Variants in MTMR9 observed in about 807,000 individuals in gnomAD.
MTMR9 encodes myotubularin-related protein 9.
Under a neutral mutation model 69.5 loss-of-function variants are expected in MTMR9, and 39 were observed. That is an observed-to-expected ratio of 0.56 (90% CI 0.43 to 0.73). MTMR9 has a LOEUF of 0.73. MTMR9 is among the 30% of genes least tolerant of loss of function. MTMR9 has a pLI of 0.00. For synonymous variants in MTMR9, 354 were observed against 240.8 expected (o/e 1.47, Z -4.35); for missense variants, 900 against 671.2 (o/e 1.34, Z -3.77).
chr8:11,330,067 C>T (rs572486467), downstream of MTMR9, among the ~76,000 whole-genome samples: 4 of 150,634 alleles, frequency 2.7e-5, no homozygotes, highest in South Asian at 2.1e-4. Flanking sequence ...AAGTGAGGAG[C>T]GTCTCCGCCT....
intron 1 of MTMR9, among the ~76,000 whole-genome samples, chr8:11,287,938 T>G (rs1799236099): frequency 1.6e-5 from 2 of 128,954 alleles, no homozygotes; most frequent in East Asian, 4.2e-4. Flanking sequence ...ATAATATGTG[T>G]TATATATCAT....
chr8:11,328,198 G>T (rs1387626621), downstream of MTMR9: 1 of 151,930 alleles, frequency 6.6e-6, no homozygotes, highest in Non-Finnish European at 1.5e-5. Flanking sequence ...GGTTTGGATG[G>T]TGTTTCAATT....
At chr8:11,331,578 G>T (rs138325209), downstream of MTMR9, 2 of 1,611,030 alleles carry the variant, frequency 1.2e-6, no homozygotes, top group Non-Finnish European at 1.7e-6. Context: ...CGGTGGCTAC[G>T]AGTGGTGTGG....
chr8:11,297,653 T>G (rs1585113521), intron 2 of MTMR9, among the ~76,000 whole-genome samples: 2 of 152,082 alleles, frequency 1.3e-5, no homozygotes, highest in Admixed American at 1.3e-4. Flanking sequence ...CTGCCTGTGG[T>G]GAGGCACAGT....
intron 1 of MTMR9, among the ~76,000 whole-genome samples, chr8:11,286,975 C>A (rs2572421): frequency 1.3e-5 from 2 of 152,142 alleles, no homozygotes; most frequent in African/African-American, 4.8e-5. Context: ...CCTTTATGTT[C>A]TGGACGTTTT....
At chr8:11,291,869 A>T (rs2117360009) in intron 1 of MTMR9, among the ~76,000 whole-genome samples, 1 of 152,122 alleles carries the variant, frequency 6.6e-6, no homozygotes, top group South Asian at 2.1e-4. Context: ...GCAGAATGAC[A>T]GTGATTTTTA....
chr8:11,287,182 TG>T, intron 1 of MTMR9, among the ~76,000 whole-genome samples: 1 of 152,350 alleles, frequency 6.6e-6, no homozygotes, highest in African/African-American at 2.4e-5. Context: ...AACTGTGGCT[TG>T]GGCATATAGA....
intron 4 of MTMR9, 48 bp downstream of exon 4, chr8:11,305,062 G>T: frequency 1.3e-6 from 2 of 1,558,764 alleles, no homozygotes; most frequent in East Asian, 2.3e-5. Context: ...CTTGGGTTGG[G>T]GATCTTTTCG....
downstream of MTMR9, chr8:11,332,131 C>T (rs371297341): frequency 6.2e-7 from 1 of 1,611,252 alleles, no homozygotes; most frequent in African/African-American, 1.3e-5. Flanking sequence ...TGAGATAGAA[C>T]TTGGGAGCCC....
intron 1 of MTMR9, among the ~76,000 whole-genome samples, chr8:11,293,755 A>G (rs924177835): frequency 6.6e-6 from 1 of 150,376 alleles, no homozygotes; most frequent in Non-Finnish European, 1.5e-5. Flanking sequence ...TTATAGATTC[A>G]AATTCTTTAA....
chr8:11,320,093 G>T, intron 9 of MTMR9: 1 of 392,964 alleles, frequency 2.5e-6, no homozygotes. Context: ...TATTTTTCTA[G>T]ATAAGAAAGT....
chr8:11,320,357 G>A (rs1800622564), intron 9 of MTMR9: 1 of 152,236 alleles, frequency 6.6e-6, no homozygotes. Flanking sequence ...CTATTCTAAA[G>A]TAGATTTTTT....
Position 11,315,531 on chromosome 8 carries a change from T to C in MTMR9, c.1113+467T>C, listed in dbSNP as rs1800380543. Among the ~76,000 whole-genome samples the C allele has an allele frequency of 2.0e-5, 3 of 152,320 alleles. No homozygotes were observed. The South Asian group carries it at 6.2e-4, about 32-fold the overall frequency. On this transcript the variant is annotated intron_variant, in intron 7 of 9. Transcript: ENST00000221086. ...ATGGCTGCCAAAATAAAAGTCTCAC[T>C]CATAACAGGGATTGATATCCTCCAC... is the stretch of plus-strand genomic sequence containing the variant.
rs1036066473 is a variant in MTMR9, at chr8:11,306,545, CA to C, written c.809+139del. On this transcript the variant is annotated intron_variant, in intron 5 of 9. Transcript: ENST00000221086. ...GTCAATGATGGGCTAGCCATCTTCT[CA>C]TTTTTTTTTGGTCAGCTCTATTAAG... is the stretch of plus-strand genomic sequence containing the variant. 12 of 750,790 alleles carry C rather than the reference CA, an allele frequency of 1.6e-5. No homozygotes were observed. The African/African-American group carries it at 2.1e-4, about 13-fold the overall frequency. 46.5% of individuals were successfully genotyped at this position (750,790 alleles called of 1,614,324 possible). A position where few individuals can be genotyped will look rare whatever the true frequency, so the allele number is the denominator to read the frequency against.
At chr8:11,294,023 A>T (rs1036356680) in intron 1 of MTMR9, among the ~76,000 whole-genome samples, 2 of 152,194 alleles carry the variant, frequency 1.3e-5, no homozygotes, top group African/African-American at 4.8e-5. Context: ...CTATTTGAAG[A>T]CATTTGCATT....
intron 6 of MTMR9, 97 bp from the exon 7 acceptor site, chr8:11,314,826 A>G: frequency 1.7e-6 from 2 of 1,170,424 alleles, no homozygotes; most frequent in South Asian, 1.4e-5. Context: ...AACTCAGTAG[A>G]CTAAAATGTT....
chr8:11,338,215 C>T, the MTMR9 span, among the ~76,000 whole-genome samples: 3 of 152,312 alleles, frequency 2.0e-5, no homozygotes, highest in African/African-American at 7.2e-5. Context: ...ACTTCCTCGG[C>T]AGAGTATTGA....
Position 11,309,635 on chromosome 8 carries a change from T to G in MTMR9, c.918T>G (p.Thr306=). Residue 306 remains threonine (T), a synonymous_variant, in exon 6 of 10, where the codon ACT becomes ACG. Transcript: ENST00000221086. ...AATTGGAGGCCTCTAACTGGCTGAC[T>G]CACATCAAAGAGATTCTGACAACTG... ...LSKLEASNWL[T]HIKEILTTAC... 1.9e-6 allele frequency: 3 copies of G among 1,613,976 alleles called. No individual in the cohort carries two copies. Among genetic ancestry groups the G allele is most frequent in the Non-Finnish European group, 2.5e-6 (3 of 1,179,890 alleles).
rs1282702163 is a variant in MTMR9 at position 11,286,218 on chromosome 8, C to T, written c.182+1148C>T. ...CCTCCCGCCTAGGCCTCCCACAGTTCTGGGATTACAGGCGTGAGCCACTGC... is the reference window on the plus strand; with the variant it reads ...CCTCCCGCCTAGGCCTCCCACAGTTTTGGGATTACAGGCGTGAGCCACTGC... On this transcript the variant is annotated intron_variant, in intron 1 of 9. Coordinates refer to ENST00000221086, the MANE Select transcript of MTMR9 (RefSeq NM_015458.4). Among the ~76,000 whole-genome samples the T allele has an allele frequency of 2.6e-5, 4 of 151,854 alleles. No homozygotes were observed. The East Asian group carries it at 7.8e-4, about 30-fold the overall frequency.
Sources: gnomAD v4.1 joint callset for allele counts (sites outside exome capture counted in the v4.1 genomes callset) on GRCh38, gnomAD v4.1.1 for gene constraint, MANE v1.5 for transcripts, NCBI Gene and HGNC (gene_info 2026-07-23, HGNC 2026-07-21) for gene names.